Variants in GARIN2 observed in about 807,000 individuals in gnomAD.
GARIN2 encodes the protein Golgi-associated RAB2 interactor protein 2.
At chr14:67,201,329 A>G in the GARIN2 span, 24 of 364,400 alleles carry the variant, frequency 6.6e-5, no homozygotes, top group Non-Finnish European at 1.0e-4. Flanking sequence ...AAAAAAATTT[A>G]AAAGAGAGCA....
the GARIN2 span, among the ~76,000 whole-genome samples, chr14:67,212,012 T>A: frequency 6.6e-5 from 10 of 152,296 alleles, no homozygotes; most frequent in South Asian, 2.1e-3. Flanking sequence ...GACCTTTTCA[T>A]GTTTCTTATA....
the GARIN2 span, among the ~76,000 whole-genome samples, chr14:67,213,397 G>T: frequency 7.4e-6 from 1 of 135,244 alleles, no homozygotes; most frequent in African/African-American, 2.8e-5. Flanking sequence ...TCCCACCTAT[G>T]AGTGAGAATA....
the GARIN2 span, among the ~76,000 whole-genome samples, chr14:67,195,584 A>G: frequency 1.3e-5 from 2 of 152,228 alleles, no homozygotes; most frequent in Non-Finnish European, 2.9e-5. Context: ...TTAACTCTGT[A>G]TGAACAAGAG....
chr14:67,189,778 A>G, the GARIN2 span: 1 of 152,170 alleles, frequency 6.6e-6, no homozygotes, highest in East Asian at 1.9e-4. Flanking sequence ...TTTTTCTTAG[A>G]AATAATTTCA....
At chr14:67,221,983 C>A in the GARIN2 span, 1 of 697,492 alleles carries the variant, frequency 1.4e-6, no homozygotes, top group Non-Finnish European at 2.2e-6. Flanking sequence ...AACTCTTTCT[C>A]AAAGCCGATC....
the GARIN2 span, chr14:67,198,258 T>C: frequency 6.2e-7 from 1 of 1,613,908 alleles, no homozygotes. Context: ...TCAAAATATG[T>C]TGGATGGAGG....
At chr14:67,192,788 ATG>A in the GARIN2 span, among the ~76,000 whole-genome samples, 12 of 148,070 alleles carry the variant, frequency 8.1e-5, no homozygotes, top group Admixed American at 2.7e-4. Context: ...ATATATATGT[ATG>A]TGTGTGTATA....
the GARIN2 span, among the ~76,000 whole-genome samples, chr14:67,223,038 C>T: frequency 0.089 from 11,247 of 126,560 alleles, 1,024 homozygotes; most frequent in African/African-American, 0.26. Flanking sequence ...CTCCCTCTTT[C>T]GCCCAAGCCA....
At chr14:67,213,948 CT>C in the GARIN2 span, among the ~76,000 whole-genome samples, 3 of 152,196 alleles carry the variant, frequency 2.0e-5, 1 homozygote, top group South Asian at 6.2e-4. Context: ...TGTTTTTTGG[CT>C]GCATAAATGG....
At chr14:67,200,032 G>C in the GARIN2 span, 6 of 930,288 alleles carry the variant, frequency 6.4e-6, no homozygotes, top group East Asian at 1.3e-4. Flanking sequence ...TCCCCATTCT[G>C]GACACCCAGG....
chr14:67,208,351 A>G, the GARIN2 span: 5 of 1,614,050 alleles, frequency 3.1e-6, no homozygotes, highest in African/African-American at 6.7e-5. Flanking sequence ...TGACCCCAGT[A>G]GAAAGTGAGG....
chr14:67,210,892 T>C, the GARIN2 span, among the ~76,000 whole-genome samples: 2 of 152,120 alleles, frequency 1.3e-5, no homozygotes, highest in East Asian at 3.9e-4. Context: ...TAGTCCCAGC[T>C]ACTCAGGAGG....
the GARIN2 span, among the ~76,000 whole-genome samples, chr14:67,194,851 T>A: frequency 6.6e-6 from 1 of 152,108 alleles, no homozygotes; most frequent in Non-Finnish European, 1.5e-5. Context: ...AGAGTCAGGG[T>A]TTCACAACGT....
the GARIN2 span, chr14:67,198,982 G>C: frequency 1.4e-6 from 1 of 704,006 alleles, no homozygotes; most frequent in African/African-American, 1.7e-5. Context: ...AAGCTGCTCA[G>C]CTGATTTCAC....
At chr14:67,198,395 T>C in the GARIN2 span, 1,881 of 1,398,328 alleles carry the variant, frequency 1.3e-3, 21 homozygotes, top group African/African-American at 0.018. Context: ...AAAAGGATGG[T>C]AGGAGAATTG....
At chr14:67,222,360 G>A in the GARIN2 span, among the ~76,000 whole-genome samples, 1 of 152,126 alleles carries the variant, frequency 6.6e-6, no homozygotes, top group African/African-American at 2.4e-5. Flanking sequence ...GTGTGATCTT[G>A]CTCACTGCAA....
chr14:67,222,591 T>A, the GARIN2 span, among the ~76,000 whole-genome samples: 2 of 152,156 alleles, frequency 1.3e-5, no homozygotes, highest in Non-Finnish European at 2.9e-5. Flanking sequence ...AATGTTTGGG[T>A]TTTATTTGGC....
At chr14:67,207,905 T>C in the GARIN2 span, among the ~76,000 whole-genome samples, 1 of 152,190 alleles carries the variant, frequency 6.6e-6, no homozygotes, top group Non-Finnish European at 1.5e-5. Context: ...TGCTGACAAT[T>C]CACAGAGAAG....
At chr14:67,216,237 T>G in the GARIN2 span, among the ~76,000 whole-genome samples, 1 of 152,172 alleles carries the variant, frequency 6.6e-6, no homozygotes, top group African/African-American at 2.4e-5. Context: ...TGGATTTTGT[T>G]TTCTTGAGGA....
Sources: gnomAD v4.1 joint callset for allele counts (sites outside exome capture counted in the v4.1 genomes callset) on GRCh38, gnomAD v4.1.1 for gene constraint, MANE v1.5 for transcripts, NCBI Gene and HGNC (gene_info 2026-07-23, HGNC 2026-07-21) for gene names.